Variants in UBE2R2 observed in about 807,000 individuals in gnomAD.
The protein encoded by UBE2R2 is ubiquitin conjugating enzyme E2 R2, also known as ubiquitin-conjugating enzyme E2 R2.
In UBE2R2, 1 loss-of-function variant was observed where a neutral mutation model predicts 27.8. The observed-to-expected ratio is 0.04, with a 90% CI of 0.01 to 0.17. The LOEUF (loss-of-function observed/expected upper bound fraction) is 0.17, where lower values mean the gene tolerates loss of function less well. Ranked by LOEUF, UBE2R2 falls within the 10% of genes least tolerant of loss-of-function variation. The pLI is 1.00. For synonymous variants in UBE2R2, 106 were observed against 113.3 expected (o/e 0.94, Z 0.41); for missense variants, 100 against 291.0 (o/e 0.34, Z 4.78).
intron 1 of UBE2R2, among the ~76,000 whole-genome samples, chr9:33,861,852 T>C (rs1199816489): frequency 6.8e-6 from 1 of 146,094 alleles, no homozygotes; most frequent in Admixed American, 6.8e-5. Flanking sequence ...ACTTTCTTTT[T>C]TTTTTTTTTT....
intron 1 of UBE2R2, among the ~76,000 whole-genome samples, chr9:33,848,682 A>C (rs370536587): frequency 1.3e-5 from 2 of 151,346 alleles, no homozygotes; most frequent in East Asian, 3.9e-4. Flanking sequence ...GCTCGCTGCA[A>C]CCTCTGCCTC....
At chr9:33,876,038 CA>C (rs1228670611) in intron 1 of UBE2R2, among the ~76,000 whole-genome samples, 1 of 152,102 alleles carries the variant, frequency 6.6e-6, no homozygotes, top group Non-Finnish European at 1.5e-5. Flanking sequence ...AACTATAGGT[CA>C]CCATATACAT....
chr9:33,870,748 A>T (rs768472970), intron 1 of UBE2R2, among the ~76,000 whole-genome samples: 2 of 152,216 alleles, frequency 1.3e-5, no homozygotes, highest in Non-Finnish European at 2.9e-5. Context: ...TAATTTCACA[A>T]CTGAGTGAAG....
intron 1 of UBE2R2, among the ~76,000 whole-genome samples, chr9:33,853,264 T>C (rs942168781): frequency 1.3e-5 from 2 of 150,458 alleles, no homozygotes; most frequent in African/African-American, 4.9e-5. Flanking sequence ...AAGCAAGACT[T>C]ACCTGGCTTT....
Position 33,917,314 on chromosome 9 carries a change from GC to G in UBE2R2, c.*81del. 6.3e-7 allele frequency: 1 copy of G among 1,580,098 alleles called. No homozygotes were observed. The highest frequency in any genetic ancestry group is 1.3e-5 in the African/African-American group (1 of 74,440). ...GGGAGCAAGTGGGGACCTGGCCATG[GC>G]CCCTCAGCAAAAACCTATTCACAGC... On this transcript the variant is annotated 3_prime_UTR_variant, in exon 5 of 5. Coordinates refer to ENST00000263228, the MANE Select transcript of UBE2R2 (RefSeq NM_017811.4).
At chr9:33,819,661 C>G (rs529712143) in intron 1 of UBE2R2, among the ~76,000 whole-genome samples, 1 of 147,052 alleles carries the variant, frequency 6.8e-6, no homozygotes, top group Non-Finnish European at 1.5e-5. Context: ...TTTTTTGAGA[C>G]GGAGTCTCGC....
intron 2 of UBE2R2, among the ~76,000 whole-genome samples, chr9:33,897,198 G>A (rs562238550): frequency 8.0e-4 from 121 of 150,686 alleles, no homozygotes; most frequent in African/African-American, 2.9e-3. Context: ...CACCACGCCC[G>A]GCTAATTTTT....
At chr9:33,911,367 A>G (rs1212412233) in intron 3 of UBE2R2, among the ~76,000 whole-genome samples, 9 of 129,050 alleles carry the variant, frequency 7.0e-5, no homozygotes, top group Non-Finnish European at 1.3e-4. Flanking sequence ...ACACCATTGC[A>G]CTCCAGCCTG....
rs1416768064 is a variant in UBE2R2 at position 33,817,281 on chromosome 9, C to A, written c.-477C>A. 1.3e-5 allele frequency among the ~76,000 whole-genome samples: 2 copies of A among 149,514 alleles called. No individual in the cohort carries two copies. The highest frequency in any genetic ancestry group is 4.9e-5 in the African/African-American group (2 of 40,698). ...CGCGAGACCCCCGCACGCCGCTCTC[C>A]CCCCACCCTCTCCTGCCCCGCGCGC... On this transcript the variant is annotated 5_prime_UTR_variant, in exon 1 of 5. Transcript: ENST00000263228.
intron 2 of UBE2R2, among the ~76,000 whole-genome samples, chr9:33,896,663 T>C (rs1184322461): frequency 2.6e-5 from 4 of 151,798 alleles, no homozygotes; most frequent in African/African-American, 9.7e-5. Context: ...TTAGCCAGGA[T>C]GGTCTTGATC....
chr9:33,842,715 T>C (rs753330712), intron 1 of UBE2R2, among the ~76,000 whole-genome samples: 1 of 152,174 alleles, frequency 6.6e-6, no homozygotes, highest in Non-Finnish European at 1.5e-5. Context: ...TCTCTTGATA[T>C]TTGCTTTTTA....
At chr9:33,844,240 T>C (rs1355457258) in intron 1 of UBE2R2, among the ~76,000 whole-genome samples, 8 of 152,246 alleles carry the variant, frequency 5.3e-5, no homozygotes, top group Admixed American at 5.2e-4. Flanking sequence ...GTTTCACTCT[T>C]GTCGCCCAGG....
At chr9:33,827,379 G>A (rs1427949746) in intron 1 of UBE2R2, among the ~76,000 whole-genome samples, 3 of 152,056 alleles carry the variant, frequency 2.0e-5, no homozygotes, top group Non-Finnish European at 2.9e-5. Flanking sequence ...CGTGGCTCAC[G>A]CCTGTAATCC....
Position 33,854,132 on chromosome 9 carries a change from G to GT in UBE2R2, c.178-32743dup, listed in dbSNP as rs759624740. On this transcript the variant is annotated intron_variant, in intron 1 of 4. Transcript: ENST00000263228. Reference sequence around the variant, plus strand: ...TATGTTTTAGTTTCTAAATATATTGGTTTTTTAACAAAACTCTACTTTTGA... The same window carrying GT: ...TATGTTTTAGTTTCTAAATATATTGGTTTTTTTAACAAAACTCTACTTTTGA... Among the ~76,000 whole-genome samples, 7 of 151,968 alleles carry GT rather than the reference G, an allele frequency of 4.6e-5. No homozygotes were observed. In the East Asian group the frequency reaches 9.7e-4, roughly 21 times the overall value.
intron 1 of UBE2R2, among the ~76,000 whole-genome samples, chr9:33,865,403 G>A (rs1490302667): frequency 6.6e-6 from 1 of 150,604 alleles, no homozygotes; most frequent in Admixed American, 6.6e-5. Flanking sequence ...TCACCATATT[G>A]GCCAGGCTTG....
intron 1 of UBE2R2, among the ~76,000 whole-genome samples, chr9:33,822,332 C>T (rs1825996863): frequency 6.6e-6 from 1 of 151,436 alleles, no homozygotes; most frequent in Non-Finnish European, 1.5e-5. Context: ...CTCAGGTGAT[C>T]CCGCTCACCT....
chr9:33,872,954 C>A (rs1437958835), intron 1 of UBE2R2, among the ~76,000 whole-genome samples: 1 of 151,880 alleles, frequency 6.6e-6, no homozygotes, highest in African/African-American at 2.4e-5. Flanking sequence ...GCAGATGGAT[C>A]ACTTGGGGTC....
At chr9:33,883,093 A>T (rs111612438) in intron 1 of UBE2R2, among the ~76,000 whole-genome samples, 16 of 152,138 alleles carry the variant, frequency 1.1e-4, no homozygotes, top group African/African-American at 2.9e-4. Context: ...CACCTCAAAA[A>T]AATAATAATA....
chr9:33,872,354 TGGCACTG>T (rs1009587288), intron 1 of UBE2R2, among the ~76,000 whole-genome samples: 17 of 151,856 alleles, frequency 1.1e-4, no homozygotes, highest in African/African-American at 2.7e-4. Context: ...GATCATGCCA[TGGCACTG>T]GTCTTGGTGA....
Sources: gnomAD v4.1 joint callset for allele counts (sites outside exome capture counted in the v4.1 genomes callset) on GRCh38, gnomAD v4.1.1 for gene constraint, MANE v1.5 for transcripts, NCBI Gene and HGNC (gene_info 2026-07-23, HGNC 2026-07-21) for gene names.